Variants in ZNF423 observed in about 807,000 individuals in gnomAD.
ZNF423 encodes the protein Ebf-associated zinc finger protein.
In ZNF423, 12 loss-of-function variants were observed where a neutral mutation model predicts 95.8. That is an observed-to-expected ratio of 0.13 (90% CI 0.08 to 0.20). ZNF423 has a LOEUF of 0.20. Ranked by LOEUF, ZNF423 falls within the 10% of genes least tolerant of loss-of-function variation. The pLI is 1.00. For synonymous variants in ZNF423, 749 were observed against 711.9 expected (o/e 1.05, Z -0.83); for missense variants, 1,316 against 1,737.1 (o/e 0.76, Z 4.31).
At chr16:49,517,704 C>A in intron 7 of ZNF423, 2 of 236,588 alleles carry the variant, frequency 8.5e-6, no homozygotes, top group Non-Finnish European at 8.4e-6. Context: ...TTAGATCAGG[C>A]CAGTTAATGG....
chr16:49,842,447 A>T (rs76656519), intron 1 of ZNF423, among the ~76,000 whole-genome samples: 32,400 of 140,000 alleles, frequency 0.23, 4,191 homozygotes, highest in African/African-American at 0.28. Flanking sequence ...GCAGGCAGGC[A>T]GGCCCATAAA....
At chr16:49,633,208 C>G (rs757089190) in intron 4 of ZNF423, among the ~76,000 whole-genome samples, 1 of 152,322 alleles carries the variant, frequency 6.6e-6, no homozygotes, top group South Asian at 2.1e-4. Context: ...TCATTTACAA[C>G]ATGAAATATT....
chr16:49,854,071 A>G lies in ZNF423; in HGVS notation c.40+1664T>C, dbSNP rs1034127849. On this transcript the variant is annotated intron_variant, in intron 1 of 7. Transcript: ENST00000563137. ...AGCCGTACAGCCCTTCCATCAGCAA[A>G]AGAGAAACATCCACCCTTCTTTCCC... The G allele has an allele frequency of 4.1e-6, 4 of 985,202 alleles. No individual in the cohort carries two copies. In the East Asian group the frequency reaches 3.4e-4, roughly 84 times the overall value. The allele number at this position is 985,202 out of a possible 1,614,324, so 61.0% of individuals were successfully genotyped here.
intron 5 of ZNF423, among the ~76,000 whole-genome samples, chr16:49,568,212 T>C (rs1250875334): frequency 6.6e-6 from 1 of 152,162 alleles, no homozygotes; most frequent in East Asian, 1.9e-4. Context: ...AAGAATTTTC[T>C]GGTATTATGG....
At chr16:49,783,768 G>A (rs766645790) in intron 2 of ZNF423, among the ~76,000 whole-genome samples, 54 of 151,924 alleles carry the variant, frequency 3.6e-4, no homozygotes, top group Middle Eastern at 3.2e-3. Context: ...TCAGGAGATC[G>A]AGATCATCCT....
chr16:49,687,127 C>T (rs186304015), intron 3 of ZNF423, among the ~76,000 whole-genome samples: 27 of 152,158 alleles, frequency 1.8e-4, no homozygotes, highest in Non-Finnish European at 3.5e-4. Flanking sequence ...ACACCACCCC[C>T]GTGGTTTGTC....
chr16:49,689,606 C>T (rs2031702832), intron 3 of ZNF423, among the ~76,000 whole-genome samples: 1 of 152,008 alleles, frequency 6.6e-6, no homozygotes, highest in Admixed American at 6.5e-5. Context: ...AGGATATTGC[C>T]CTCTCCCTAC....
rs113030350 is a variant in ZNF423 at position 49,773,342 on chromosome 16, C to A, written c.100+16145G>T. 2.6e-5 allele frequency among the ~76,000 whole-genome samples: 4 copies of A among 151,916 alleles called. 1 individual carries two copies. Among genetic ancestry groups the A allele is most frequent in the African/African-American group, 9.6e-5 (4 of 41,468 alleles). ...TCACAAAAAAAAAACAAAAAGCAAA[C>A]AAAAAAAGCCATCAGATTTTGTGAG... On this transcript the variant is annotated intron_variant, in intron 2 of 7. Coordinates refer to ENST00000563137, the MANE Select transcript of ZNF423 (RefSeq NM_001379286.1).
At chr16:49,785,980 G>A (rs1251598738) in intron 2 of ZNF423, among the ~76,000 whole-genome samples, 1 of 152,184 alleles carries the variant, frequency 6.6e-6, no homozygotes, top group Non-Finnish European at 1.5e-5. Context: ...GATGCCCAAA[G>A]GCACCTGTGA....
chr16:49,805,040 C>T (rs1032575830), intron 1 of ZNF423, among the ~76,000 whole-genome samples: 2 of 151,814 alleles, frequency 1.3e-5, no homozygotes, highest in African/African-American at 4.8e-5. Context: ...GCTGGGATTA[C>T]AGGTGCCCAC....
rs1484203280 is a variant in ZNF423, at chr16:49,677,248, T to TAGAAGAG, written c.302-38375_302-38374insCTCTTCT. Among the ~76,000 whole-genome samples the TAGAAGAG allele has an allele frequency of 7.3e-5, 5 of 68,556 alleles. 1 individual carries two copies. Among genetic ancestry groups the TAGAAGAG allele is most frequent in the African/African-American group, 3.3e-4 (5 of 14,956 alleles). The allele number at this position is 68,556 out of a possible 152,430, so 45.0% of individuals were successfully genotyped here. A position where few individuals can be genotyped will look rare whatever the true frequency, so the allele number is the denominator to read the frequency against. On this transcript the variant is annotated intron_variant, in intron 3 of 7. Transcript: ENST00000563137. ...CAAGAAAAGAGAAGAGAAGAGAAGATAAGAGAAGAGAAGAGAAGAGAAGAG... is the reference window on the plus strand; with the variant it reads ...CAAGAAAAGAGAAGAGAAGAGAAGATAGAAGAGAAGAGAAGAGAAGAGAAGAGAAGAG...
intron 2 of ZNF423, among the ~76,000 whole-genome samples, chr16:49,779,906 G>A (rs2034182031): frequency 6.6e-6 from 1 of 152,158 alleles, no homozygotes; most frequent in Non-Finnish European, 1.5e-5. Flanking sequence ...GAGGGGCAGG[G>A]CCATGGGCTT....
In ZNF423 at chr16:49,638,930, A is replaced by G. The variant is rs1212377863; in HGVS notation, c.302-56T>C. ...GCAATTCCCAGGGCTGCCGAGAAAC[A>G]AGGACAGAGCCAGCTTCTCGACAGC... is the stretch of plus-strand genomic sequence containing the variant. On this transcript the variant is annotated intron_variant, in intron 3 of 7. Transcript: ENST00000563137. This position sits in a 1 kb window ranked among gnomAD's most constrained non-coding sequence, Gnocchi z 5.6. 2 of 1,537,318 alleles carry G rather than the reference A, an allele frequency of 1.3e-6. No homozygotes were observed. The highest frequency in any genetic ancestry group is 1.9e-5 in the Admixed American group (1 of 52,416).
At chr16:49,663,583 C>T (rs1292124907) in intron 3 of ZNF423, among the ~76,000 whole-genome samples, 3 of 152,334 alleles carry the variant, frequency 2.0e-5, no homozygotes, top group East Asian at 3.9e-4. Flanking sequence ...GCCTCCCTCC[C>T]GGCCAGTGGT....
chr16:49,495,647 A>G (rs752210), intron 7 of ZNF423, among the ~76,000 whole-genome samples: 39,797 of 152,148 alleles, frequency 0.26, 5,310 homozygotes, highest in South Asian at 0.32. Context: ...GGAGCGGGCC[A>G]GAGTACAGAG....
intron 5 of ZNF423, among the ~76,000 whole-genome samples, chr16:49,620,488 C>T (rs1303394566): frequency 6.6e-6 from 1 of 152,212 alleles, no homozygotes; most frequent in Admixed American, 6.5e-5. Flanking sequence ...CCGGCGTGAG[C>T]ATGAAAAGCA....
At chr16:49,581,024 A>G (rs555654856) in intron 5 of ZNF423, among the ~76,000 whole-genome samples, 1 of 152,294 alleles carries the variant, frequency 6.6e-6, no homozygotes, top group African/African-American at 2.4e-5. Context: ...ATAACAATAA[A>G]TGATTCACGA....
chr16:49,645,839 G>A (rs964368093), intron 3 of ZNF423, among the ~76,000 whole-genome samples: 2 of 152,068 alleles, frequency 1.3e-5, no homozygotes, highest in African/African-American at 4.8e-5. Flanking sequence ...TGTATTAAGG[G>A]GCTTCCCTCT....
At chr16:49,502,149 T>G (rs1216340517) in intron 7 of ZNF423, among the ~76,000 whole-genome samples, 1 of 152,186 alleles carries the variant, frequency 6.6e-6, no homozygotes, top group Middle Eastern at 3.2e-3. Context: ...GCCACCAGCT[T>G]GAGACCTCTG....
Sources: gnomAD v4.1 joint callset for allele counts (sites outside exome capture counted in the v4.1 genomes callset) on GRCh38, gnomAD v4.1.1 for gene constraint, Gnocchi (gnomAD v3.1) non-coding constraint, MANE v1.5 for transcripts, NCBI Gene and HGNC (gene_info 2026-07-23, HGNC 2026-07-21) for gene names.